Variants in MYO9A observed in about 807,000 individuals in gnomAD.
The protein encoded by MYO9A is myosin IXA, also known as unconventional myosin-IXa.
A neutral mutation model predicts 293.3 loss-of-function variants in MYO9A; 103 were observed. The ratio of observed to expected loss-of-function variants is 0.35; its 90% confidence interval spans 0.30 to 0.41. The LOEUF is 0.41. Among genes scored for constraint, MYO9A ranks in the 10% least tolerant of loss-of-function variants. MYO9A has a pLI of 1.00. For missense variants in MYO9A, 2,685 were observed against 3,033.0 expected, an observed-to-expected ratio of 0.89 and a Z score of 2.69; for synonymous variants, 1,001 against 1,035.7, an observed-to-expected ratio of 0.97 and a Z score of 0.64.
chr15:71,862,973 G>C (rs2056198649), intron 32 of MYO9A, among the ~76,000 whole-genome samples: 1 of 149,018 alleles, frequency 6.7e-6, no homozygotes, highest in Non-Finnish European at 1.5e-5. Context: ...TGTTGCCCAG[G>C]CTGGAGTGCA....
At chr15:71,931,954 C>G (rs574940608) in intron 18 of MYO9A, among the ~76,000 whole-genome samples, 2 of 151,418 alleles carry the variant, frequency 1.3e-5, no homozygotes, top group African/African-American at 4.9e-5. Flanking sequence ...GTGCCAAGTT[C>G]CGTTAGTACC....
intron 31 of MYO9A, among the ~76,000 whole-genome samples, chr15:71,877,329 C>A (rs1230172305): frequency 1.3e-5 from 2 of 152,154 alleles, no homozygotes; most frequent in Non-Finnish European, 2.9e-5. Context: ...ATACAGACTT[C>A]CCAAAACACG....
rs1555490908 is a variant in MYO9A at position 71,956,328 on chromosome 15, A to AT, written c.2182+3572_2182+3573insA. On this transcript the variant is annotated intron_variant, in intron 14 of 41. Coordinates refer to ENST00000356056, the MANE Select transcript of MYO9A (RefSeq NM_006901.4). ...CGGCTCTTAAAAAAAAAAAAAAAAA[A>AT]AAATATATATATATATATATATAAA... Among the ~76,000 whole-genome samples the AT allele has an allele frequency of 3.9e-3, 59 of 15,174 alleles. No homozygotes were observed. In the South Asian group the frequency reaches 0.079, roughly 20 times the overall value. 10.0% of individuals were successfully genotyped at this position (15,174 alleles called of 152,430 possible). A position where few individuals can be genotyped will look rare whatever the true frequency, so the allele number is the denominator to read the frequency against.
At chr15:71,862,928 G>T in intron 32 of MYO9A, among the ~76,000 whole-genome samples, 1 of 133,242 alleles carries the variant, frequency 7.5e-6, no homozygotes. Flanking sequence ...TCTTTTTTTG[G>T]CTTTTTTTTT....
At chr15:71,972,644 T>C (rs1353163431) in intron 12 of MYO9A, among the ~76,000 whole-genome samples, 2 of 152,208 alleles carry the variant, frequency 1.3e-5, no homozygotes, top group South Asian at 2.1e-4. Flanking sequence ...TTGATTGTTA[T>C]GGTGTGAGAG....
Position 72,118,106 on chromosome 15 carries a change from C to A in MYO9A, c.-498G>T. The A allele has an allele frequency of 2.6e-6, 1 of 389,896 alleles. No homozygotes were observed. The highest frequency in any genetic ancestry group is 4.5e-5 in the Admixed American group (1 of 22,356). The allele number at this position is 389,896 out of a possible 1,614,324, so 24.2% of individuals were successfully genotyped here. A position where few individuals can be genotyped will look rare whatever the true frequency, so the allele number is the denominator to read the frequency against. ...CGCCCCCGACCCCGCGCACGCGGCC[C>A]CGCCCCGCGCGACTCCCCGGCTGCA... is the stretch of plus-strand genomic sequence containing the variant. On this transcript the variant is annotated 5_prime_UTR_variant, in exon 1 of 42. Transcript: ENST00000356056.
chr15:72,067,080 G>A (rs1281917816), intron 1 of MYO9A, among the ~76,000 whole-genome samples: 1 of 119,994 alleles, frequency 8.3e-6, no homozygotes, highest in African/African-American at 2.7e-5. Context: ...TAGCAATATT[G>A]ATAATTATAT....
chr15:71,878,123 CTGGAGATTCACCCAG>C lies in MYO9A; in HGVS notation c.5833_5847del (p.Leu1945_Pro1949del). ...TTAAAAGTGTTGACCCAAACTCTCACTGGAGATTCACCCAGTGAATCACGCTGCTCAAGCCTCATC... is the reference window on the plus strand; with the variant it reads ...TTAAAAGTGTTGACCCAAACTCTCACTGAATCACGCTGCTCAAGCCTCATC... On this transcript the variant is annotated inframe_deletion, in exon 31 of 42. Coordinates refer to ENST00000356056, the MANE Select transcript of MYO9A (RefSeq NM_006901.4). 6.2e-7 allele frequency: 1 copy of C among 1,612,590 alleles called. No homozygotes were observed. Among genetic ancestry groups the C allele is most frequent in the Non-Finnish European group, 8.5e-7 (1 of 1,179,562 alleles).
rs755811706 is a variant in MYO9A, at chr15:72,010,462, T to C, written c.1156-15A>G. The stretch of plus-strand genomic sequence containing the variant: ...GTGAAGCAATCCTGCTTATTTAAAA[T>C]AAAAGTTTAAAAATCAAGATTATAT... On this transcript the variant is annotated splice_polypyrimidine_tract_variant and intron_variant, in intron 6 of 41. Transcript: ENST00000356056. 6 of 1,596,324 alleles carry C rather than the reference T, an allele frequency of 3.8e-6. No individual in the cohort carries two copies. Among genetic ancestry groups the C allele is most frequent in the Middle Eastern group, 1.7e-4 (1 of 6,022 alleles).
chr15:71,897,460 C>A lies in MYO9A; in HGVS notation c.5042+1G>T. The A allele has an allele frequency of 6.3e-7, 1 of 1,589,018 alleles. No homozygotes were observed. The highest frequency in any genetic ancestry group is 8.6e-7 in the Non-Finnish European group (1 of 1,166,416). On this transcript the variant is annotated splice_donor_variant, in intron 25 of 41. Transcript: ENST00000356056. LOFTEE classifies it high-confidence loss of function. Reference sequence around the variant, plus strand: ...TATACATAAATAAACATTTCACTTACAGGGGAATACTCATATTGTCCTTTG... The same window carrying A: ...TATACATAAATAAACATTTCACTTAAAGGGGAATACTCATATTGTCCTTTG...
intron 1 of MYO9A, among the ~76,000 whole-genome samples, chr15:72,078,367 C>T (rs1282455251): frequency 4.6e-5 from 7 of 151,166 alleles, no homozygotes; most frequent in Non-Finnish European, 1.0e-4. Context: ...TGGTACATGC[C>T]TGTGGTCCTA....
At chr15:71,976,083 G>A (rs2076138931) in intron 12 of MYO9A, among the ~76,000 whole-genome samples, 1 of 152,148 alleles carries the variant, frequency 6.6e-6, no homozygotes. Flanking sequence ...TACAGGCGGG[G>A]GTCTGAAGGT....
chr15:71,868,777 T>C (rs1180559910), intron 32 of MYO9A, among the ~76,000 whole-genome samples: 3 of 152,056 alleles, frequency 2.0e-5, no homozygotes, highest in Admixed American at 6.6e-5. Context: ...TAACAAAAAT[T>C]TACCACTAGA....
At chr15:72,089,274 C>T (rs1379759612) in intron 1 of MYO9A, among the ~76,000 whole-genome samples, 1 of 152,100 alleles carries the variant, frequency 6.6e-6, no homozygotes, top group African/African-American at 2.4e-5. Flanking sequence ...GCAATCCTTC[C>T]ACCTCAGCCA....
At chr15:72,021,892 T>C (rs2077512078) in intron 4 of MYO9A, among the ~76,000 whole-genome samples, 1 of 152,084 alleles carries the variant, frequency 6.6e-6, no homozygotes, top group East Asian at 1.9e-4. Flanking sequence ...TTTGAAACCC[T>C]GCACAAGCAG....
chr15:72,005,549 C>A (rs1287987740), intron 8 of MYO9A, among the ~76,000 whole-genome samples: 1 of 152,146 alleles, frequency 6.6e-6, no homozygotes, highest in Non-Finnish European at 1.5e-5. Flanking sequence ...TTCAAAATTA[C>A]AACCCTCAGA....
At chr15:71,934,918 T>C (rs1270971248) in intron 17 of MYO9A, among the ~76,000 whole-genome samples, 1 of 150,986 alleles carries the variant, frequency 6.6e-6, no homozygotes, top group Non-Finnish European at 1.5e-5. Context: ...ATAAGTGTTA[T>C]ATATCACTCA....
chr15:71,876,335 G>C (rs1304010130), intron 31 of MYO9A, among the ~76,000 whole-genome samples: 3 of 150,464 alleles, frequency 2.0e-5, no homozygotes, highest in East Asian at 2.0e-4. Context: ...TTTGAGACCG[G>C]CTGGTCTCAA....
chr15:71,904,831 T>G, intron 20 of MYO9A, 95 bp downstream of exon 20: 1 of 755,890 alleles, frequency 1.3e-6, no homozygotes, highest in Non-Finnish European at 2.1e-6. Context: ...AATATTATAG[T>G]TAGTGCTTCC....
Sources: allele counts gnomAD v4.1 joint callset (sites outside exome capture counted in the v4.1 genomes callset), GRCh38; gene constraint gnomAD v4.1.1; transcripts MANE v1.5; gene names NCBI Gene and HGNC (gene_info 2026-07-23, HGNC 2026-07-21).